The following TLK2 variants were observed in gnomAD, a reference collection of about 807,000 sequenced individuals.
TLK2 encodes tousled like kinase 2.
Under a neutral mutation model 117.3 loss-of-function variants are expected in TLK2, and 6 were observed. The ratio of observed to expected loss-of-function variants is 0.05; its 90% CI spans 0.03 to 0.10. TLK2 has a LOEUF of 0.10. TLK2 is among the 10% of genes least tolerant of loss of function. The pLI is 1.00. For missense variants in TLK2, 299 were observed against 901.2 expected, an observed-to-expected ratio of 0.33 and a Z score of 8.56; for synonymous variants, 257 against 316.7, an observed-to-expected ratio of 0.81 and a Z score of 2.00.
At chr17:62,513,522 G>A (rs1173665166) in intron 2 of TLK2, among the ~76,000 whole-genome samples, 3 of 151,158 alleles carry the variant, frequency 2.0e-5, no homozygotes, top group African/African-American at 4.9e-5. Context: ...ATGGGATCTC[G>A]CTTTGTTGCC....
intron 19 of TLK2, among the ~76,000 whole-genome samples, chr17:62,602,772 G>A (rs542265569): frequency 3.3e-5 from 5 of 152,116 alleles, no homozygotes; most frequent in East Asian, 1.9e-4. Flanking sequence ...CTAGCCACCC[G>A]CACCCAAGCT....
At chr17:62,503,052 C>CT (rs535547546) in intron 2 of TLK2, among the ~76,000 whole-genome samples, 3,249 of 86,816 alleles carry the variant, frequency 0.037, 53 homozygotes, top group African/African-American at 0.065. Context: ...TTTGGCTTAA[C>CT]TTTTTTTTTT....
At position 62,614,004 on chromosome 17, in the gene TLK2, G is replaced by A. The variant is rs1264460846; in HGVS notation, c.*1439G>A. Reference sequence around the variant, plus strand: ...CCTGGCGTGGTGGCGTGTGCCTCTAGTCCCAGCTACCCGGGAGGCTGAGGC... The same window carrying A: ...CCTGGCGTGGTGGCGTGTGCCTCTAATCCCAGCTACCCGGGAGGCTGAGGC... On this transcript the variant is annotated 3_prime_UTR_variant, in exon 22 of 22. Transcript: ENST00000346027. The A allele has an allele frequency of 6.6e-6, 1 of 151,692 alleles. No individual in the cohort carries two copies. Among genetic ancestry groups the A allele is most frequent in the Non-Finnish European group, 1.5e-5 (1 of 68,010 alleles). The allele number at this position is 151,692 out of a possible 1,614,324, so 9.4% of individuals were successfully genotyped here.
chr17:62,523,540 C>T (rs1282178814), intron 5 of TLK2, among the ~76,000 whole-genome samples: 1 of 152,214 alleles, frequency 6.6e-6, no homozygotes, highest in African/African-American at 2.4e-5. Flanking sequence ...TGATCTACTG[C>T]ACTCCAGCCT....
intron 2 of TLK2, among the ~76,000 whole-genome samples, chr17:62,511,521 C>T (rs149958951): frequency 5.3e-5 from 8 of 152,268 alleles, no homozygotes; most frequent in African/African-American, 1.9e-4. Flanking sequence ...CAGGTACACA[C>T]CACCACGCTA....
chr17:62,541,018 G>A (rs889795119), intron 7 of TLK2, among the ~76,000 whole-genome samples: 5 of 152,020 alleles, frequency 3.3e-5, no homozygotes, highest in South Asian at 2.1e-4. Context: ...CTCTCACCTC[G>A]GGGCCTTTGC....
intron 13 of TLK2, among the ~76,000 whole-genome samples, 189 bp downstream of exon 13, chr17:62,576,964 TTC>T (rs1567956062): frequency 9.5e-6 from 1 of 105,108 alleles, no homozygotes; most frequent in Non-Finnish European, 2.0e-5. Flanking sequence ...TTCTTTCTTC[TTC>T]TTTTTTTTTT....
chr17:62,494,908 A>G (rs929759901), intron 2 of TLK2, among the ~76,000 whole-genome samples: 7 of 152,088 alleles, frequency 4.6e-5, no homozygotes, highest in African/African-American at 9.7e-5. Flanking sequence ...GCTCATGCCT[A>G]TCATCCTAGC....
At chr17:62,567,858 T>A (rs1348984365) in intron 11 of TLK2, among the ~76,000 whole-genome samples, 2 of 152,204 alleles carry the variant, frequency 1.3e-5, no homozygotes, top group Non-Finnish European at 2.9e-5. Context: ...TTTTGAGTGA[T>A]CTTTAATTTC....
intron 2 of TLK2, among the ~76,000 whole-genome samples, chr17:62,505,615 A>G (rs1221226766): frequency 6.6e-6 from 1 of 151,566 alleles, no homozygotes; most frequent in Admixed American, 6.6e-5. Flanking sequence ...TTTTTGAGAC[A>G]CCATTTTAAA....
intron 2 of TLK2, among the ~76,000 whole-genome samples, chr17:62,505,603 T>C (rs1240812141): frequency 6.6e-6 from 1 of 151,986 alleles, no homozygotes; most frequent in African/African-American, 2.4e-5. Context: ...TTTTTGTTTT[T>C]ATTTTTGAGA....
intron 8 of TLK2, chr17:62,553,362 G>A (rs1378298876): frequency 4.2e-6 from 1 of 238,232 alleles, no homozygotes. Context: ...TTCAAAGTTA[G>A]TTTCATTTCT....
chr17:62,549,473 C>G (rs1598513554), intron 7 of TLK2, among the ~76,000 whole-genome samples: 1 of 129,960 alleles, frequency 7.7e-6, no homozygotes, highest in African/African-American at 2.9e-5. Flanking sequence ...ATTGTAAAAG[C>G]AATCAAATGA....
chr17:62,523,249 A>G, intron 5 of TLK2, 72 bp downstream of exon 5: 1 of 1,554,168 alleles, frequency 6.4e-7, no homozygotes, highest in Non-Finnish European at 8.7e-7. Context: ...TTTTTTTAAA[A>G]AACCCTAAAT....
chr17:62,583,620 G>C (rs371334560), intron 15 of TLK2, among the ~76,000 whole-genome samples: 2 of 152,104 alleles, frequency 1.3e-5, no homozygotes, highest in East Asian at 1.9e-4. Context: ...TGTCGTCCAG[G>C]CTGTAGTGTA....
chr17:62,481,746 G>A (rs568208309), intron 2 of TLK2, among the ~76,000 whole-genome samples: 48 of 152,238 alleles, frequency 3.2e-4, no homozygotes, highest in Non-Finnish European at 2.9e-5. Context: ...GGGCACGTAT[G>A]AAGTTAAGCA....
chr17:62,548,104 G>A (rs1468879585), intron 7 of TLK2, among the ~76,000 whole-genome samples: 2 of 152,076 alleles, frequency 1.3e-5, no homozygotes, highest in South Asian at 4.1e-4. Flanking sequence ...GCAGCATGGT[G>A]TTAAGGAAAG....
chr17:62,559,335 ACT>A (rs1326822610), intron 9 of TLK2, among the ~76,000 whole-genome samples: 1 of 146,424 alleles, frequency 6.8e-6, no homozygotes, highest in South Asian at 2.3e-4. Flanking sequence ...GTGCTTAATC[ACT>A]CTTTGTATTT....
chr17:62,539,247 A>C (rs2077330388), intron 7 of TLK2, among the ~76,000 whole-genome samples: 1 of 152,182 alleles, frequency 6.6e-6, no homozygotes, highest in South Asian at 2.1e-4. Context: ...ATCTGGAAGC[A>C]GTTTCCCTTC....
Sources: allele counts gnomAD v4.1 joint callset (sites outside exome capture counted in the v4.1 genomes callset), GRCh38; gene constraint gnomAD v4.1.1; transcripts MANE v1.5; gene names NCBI Gene and HGNC (gene_info 2026-07-23, HGNC 2026-07-21).